The following ATXN7 variants were observed in gnomAD, a reference collection of about 807,000 sequenced individuals.
The protein encoded by ATXN7 is ataxin 7.
A neutral mutation model predicts 70.5 loss-of-function variants in ATXN7; 12 were observed. The ratio of observed to expected loss-of-function variants is 0.17; its 90% CI spans 0.11 to 0.28. The LOEUF is 0.28. Ranked by LOEUF, ATXN7 falls within the 10% of genes least tolerant of loss-of-function variation. ATXN7 has a pLI of 1.00. For missense variants in ATXN7, 1,256 were observed against 1,131.7 expected, an observed-to-expected ratio of 1.11 and a Z score of -1.58; for synonymous variants, 498 against 448.7, an observed-to-expected ratio of 1.11 and a Z score of -1.39.
chr3:63,954,601 T>C (rs909026180), intron 5 of ATXN7, among the ~76,000 whole-genome samples: 1 of 152,124 alleles, frequency 6.6e-6, no homozygotes, highest in Non-Finnish European at 1.5e-5. Context: ...AAAGAAGACC[T>C]ATTCTAGGAG....
rs60819300 is a variant in ATXN7 at position 63,892,467 on chromosome 3, TCACACACACACA to T, written c.-110-5916_-110-5905del. Among the ~76,000 whole-genome samples the T allele has an allele frequency of 2.9e-4, 38 of 131,770 alleles. No homozygotes were observed. In the East Asian group the frequency reaches 8.3e-3, roughly 29 times the overall value. The allele number at this position is 131,770 out of a possible 152,430, so 86.4% of individuals were successfully genotyped here. On this transcript the variant is annotated intron_variant, in intron 1 of 12. Coordinates refer to ENST00000674280, the MANE Select transcript of ATXN7 (RefSeq NM_001377405.1). ...CTTTAATTTGCCTCTTATCGCTCCT[TCACACACACACA>T]CACACACACACACACCCACACACAC...
At chr3:63,889,681 T>C (rs1703195212) in intron 1 of ATXN7, among the ~76,000 whole-genome samples, 1 of 152,216 alleles carries the variant, frequency 6.6e-6, no homozygotes, top group Non-Finnish European at 1.5e-5. Context: ...TGGTCAAACC[T>C]ATAGCACTGA....
At chr3:63,898,086 T>C (rs1332098738) in intron 1 of ATXN7, among the ~76,000 whole-genome samples, 1 of 152,222 alleles carries the variant, frequency 6.6e-6, no homozygotes, top group Non-Finnish European at 1.5e-5. Context: ...TGAATCGCCA[T>C]TTTAAAAATT....
intron 4 of ATXN7, among the ~76,000 whole-genome samples, chr3:63,946,934 A>G (rs927953229): frequency 2.3e-4 from 35 of 152,192 alleles, no homozygotes; most frequent in Non-Finnish European, 3.8e-4. Flanking sequence ...AGACCTGTTC[A>G]GGTGAGTAGA....
intron 8 of ATXN7, 94 bp from the exon 9 acceptor site, chr3:63,987,965 A>G (rs1344669100): frequency 1.4e-6 from 2 of 1,461,448 alleles, no homozygotes; most frequent in South Asian, 1.3e-5. Flanking sequence ...TATGGTCTAG[A>G]TTGCTTATTT....
intron 4 of ATXN7, among the ~76,000 whole-genome samples, chr3:63,922,648 T>TA (rs1016188634): frequency 2.6e-5 from 4 of 152,098 alleles, no homozygotes; most frequent in African/African-American, 9.7e-5. Context: ...GGATCCTACT[T>TA]ACATGATTTT....
chr3:63,913,011 G>GC, intron 3 of ATXN7, 88 bp downstream of exon 3: 1 of 808,524 alleles, frequency 1.2e-6, no homozygotes, highest in South Asian at 2.0e-5. Context: ...CCTGTGACCC[G>GC]CCCCCTCGAG....
At chr3:63,868,267 T>C (rs1702493041) in intron 1 of ATXN7, among the ~76,000 whole-genome samples, 1 of 152,222 alleles carries the variant, frequency 6.6e-6, no homozygotes, top group Admixed American at 6.5e-5. Context: ...CAAAATAGAC[T>C]TAAAATTCAA....
In ATXN7 at chr3:63,996,009, T is replaced by C; in HGVS notation, c.2187T>C (p.His729=). ...CTTCCTCCTCCTCCTCTTCTTCTCATTCCATGGAGTCTTTTAGGAAAAACT... is the reference window on the plus strand; with the variant it reads ...CTTCCTCCTCCTCCTCTTCTTCTCACTCCATGGAGTCTTTTAGGAAAAACT... ...SSSSSSSSSS[H]SMESFRKNCV... The change falls in exon 12 of 13, where the codon CAT becomes CAC. Residue 729 remains histidine, a synonymous_variant. Transcript: ENST00000674280. 1 of 1,614,182 alleles carries C rather than the reference T, an allele frequency of 6.2e-7. No individual in the cohort carries two copies. The highest frequency in any genetic ancestry group is 8.5e-7 in the Non-Finnish European group (1 of 1,180,030).
At chr3:63,944,412 T>C (rs1460419423) in intron 4 of ATXN7, among the ~76,000 whole-genome samples, 1 of 152,180 alleles carries the variant, frequency 6.6e-6, no homozygotes, top group Non-Finnish European at 1.5e-5. Context: ...TGAACACAAG[T>C]ACTACAATAG....
Position 63,996,594 on chromosome 3 carries a change from T to A in ATXN7, c.2661+111T>A, listed in dbSNP as rs1337864257. 16 of 893,786 alleles carry A rather than the reference T, an allele frequency of 1.8e-5. No individual in the cohort carries two copies. The Admixed American group carries it at 3.6e-4, about 20-fold the overall frequency. 55.4% of individuals were successfully genotyped at this position (893,786 alleles called of 1,614,324 possible). On this transcript the variant is annotated intron_variant, in intron 12 of 12. Transcript: ENST00000674280. ...GTTGGTTGGTTGGTTTGTAAACAGATATTCAGCTTCATGGTGTCTTCTTAA... is the reference window on the plus strand; with the variant it reads ...GTTGGTTGGTTGGTTTGTAAACAGAAATTCAGCTTCATGGTGTCTTCTTAA...
chr3:63,966,725 G>A (rs2075229716), intron 5 of ATXN7, among the ~76,000 whole-genome samples: 1 of 152,142 alleles, frequency 6.6e-6, no homozygotes. Flanking sequence ...CCGTTTTCAT[G>A]CCTCTCTCAG....
upstream of ATXN7, chr3:63,863,463 C>T (rs1011190124): frequency 4.8e-5 from 56 of 1,154,734 alleles, no homozygotes; most frequent in Admixed American, 3.3e-4. Flanking sequence ...TCTCGGCCAC[C>T]CACGTGTGTT....
chr3:63,924,548 G>T (rs1704640210), intron 4 of ATXN7, among the ~76,000 whole-genome samples: 2 of 152,204 alleles, frequency 1.3e-5, no homozygotes, highest in Admixed American at 1.3e-4. Context: ...AGGCAGTAAG[G>T]AAACCAGATG....
intron 6 of ATXN7, among the ~76,000 whole-genome samples, chr3:63,981,264 C>T (rs941460653): frequency 1.3e-5 from 2 of 152,194 alleles, no homozygotes; most frequent in African/African-American, 2.4e-5. Context: ...AAGCCCCCAG[C>T]CCCTGTTCTT....
intron 8 of ATXN7, among the ~76,000 whole-genome samples, chr3:63,986,837 TA>T (rs1160618411): frequency 6.6e-6 from 1 of 152,232 alleles, no homozygotes; most frequent in African/African-American, 2.4e-5. Context: ...TTTAAGTCCC[TA>T]AAGTTGTACC....
chr3:63,878,368 TG>T (rs1286936036), intron 1 of ATXN7: 3 of 152,258 alleles, frequency 2.0e-5, no homozygotes, highest in Non-Finnish European at 2.9e-5. Flanking sequence ...TTGTAAGCGT[TG>T]GCCCCTCCAT....
intron 4 of ATXN7, among the ~76,000 whole-genome samples, chr3:63,913,640 T>C (rs1296882417): frequency 6.6e-6 from 1 of 152,218 alleles, no homozygotes; most frequent in Non-Finnish European, 1.5e-5. Flanking sequence ...GCTTTACCTA[T>C]GCAGTCTTAT....
intron 5 of ATXN7, 107 bp from the exon 6 acceptor site, chr3:63,979,808 C>T (rs1032457454): frequency 8.1e-5 from 119 of 1,475,724 alleles, no homozygotes; most frequent in Non-Finnish European, 9.7e-5. Context: ...CTTCACTTAA[C>T]GACACGTGTT....
Sources: gnomAD v4.1 joint callset for allele counts (sites outside exome capture counted in the v4.1 genomes callset) on GRCh38, gnomAD v4.1.1 for gene constraint, MANE v1.5 for transcripts, NCBI Gene and HGNC (gene_info 2026-07-23, HGNC 2026-07-21) for gene names.